The following ZNF804A variants were observed in gnomAD, a reference collection of about 807,000 sequenced individuals.
ZNF804A encodes the protein zinc finger protein 804A.
ZNF804A carries 2 observed loss-of-function variants against 16.5 expected under a neutral mutation model. The observed-to-expected ratio is 0.12, with a 90% CI of 0.05 to 0.38. The LOEUF (loss-of-function observed/expected upper bound fraction) is 0.38. ZNF804A is among the 10% of genes least tolerant of loss of function. The pLI is 0.99. For missense variants in ZNF804A, 1,473 were observed against 1,390.7 expected, an observed-to-expected ratio of 1.06 and a Z score of -0.94; for synonymous variants, 534 against 489.6, an observed-to-expected ratio of 1.09 and a Z score of -1.20.
chr2:184,751,075 G>A (rs760622624), intron 1 of ZNF804A, among the ~76,000 whole-genome samples: 3 of 151,440 alleles, frequency 2.0e-5, no homozygotes, highest in African/African-American at 7.3e-5. Flanking sequence ...CCATTCAGCC[G>A]TCAATGGACA....
chr2:184,769,029 T>C (rs533798207), intron 1 of ZNF804A, among the ~76,000 whole-genome samples: 48 of 152,250 alleles, frequency 3.2e-4, no homozygotes, highest in Admixed American at 5.9e-4. Flanking sequence ...ATTTCAGCTA[T>C]CTTATTCTGA....
At chr2:184,842,920 G>A (rs1023225433) in intron 1 of ZNF804A, among the ~76,000 whole-genome samples, 4 of 152,150 alleles carry the variant, frequency 2.6e-5, no homozygotes, top group Non-Finnish European at 4.4e-5. Context: ...GTAGAGGTGA[G>A]GTTGCTTTAT....
chr2:184,643,680 A>G (rs1311188247), intron 1 of ZNF804A, among the ~76,000 whole-genome samples: 4 of 151,752 alleles, frequency 2.6e-5, no homozygotes, highest in African/African-American at 9.7e-5. Context: ...TAGAAAGTAA[A>G]TGCTCTTGCA....
At chr2:184,680,145 G>C (rs1692512485) in intron 1 of ZNF804A, among the ~76,000 whole-genome samples, 1 of 152,206 alleles carries the variant, frequency 6.6e-6, no homozygotes, top group Admixed American at 6.5e-5. Flanking sequence ...GAGCTGAACA[G>C]ACATCAGGAG....
chr2:184,730,089 G>C (rs1349166657), intron 1 of ZNF804A, among the ~76,000 whole-genome samples: 2 of 151,666 alleles, frequency 1.3e-5, no homozygotes, highest in African/African-American at 2.4e-5. Context: ...AGATTATTTT[G>C]GTAAAATCAA....
At chr2:184,695,909 G>A (rs1350033063) in intron 1 of ZNF804A, among the ~76,000 whole-genome samples, 1 of 152,082 alleles carries the variant, frequency 6.6e-6, no homozygotes, top group Non-Finnish European at 1.5e-5. Context: ...ACCATTTGCT[G>A]AACAGAGATG....
chr2:184,633,200 C>A (rs1691641003), intron 1 of ZNF804A, among the ~76,000 whole-genome samples: 2 of 152,172 alleles, frequency 1.3e-5, no homozygotes, highest in Admixed American at 6.6e-5. Context: ...GCTATCAATT[C>A]TGTCCTCTCT....
At chr2:184,872,913 C>A (rs1394387613) in intron 2 of ZNF804A, among the ~76,000 whole-genome samples, 1 of 152,070 alleles carries the variant, frequency 6.6e-6, no homozygotes, top group African/African-American at 2.4e-5. Context: ...ATGAATGGAA[C>A]AGAATATAGA....
intron 2 of ZNF804A, among the ~76,000 whole-genome samples, chr2:184,877,507 A>C (rs1684727625): frequency 6.6e-6 from 1 of 152,054 alleles, no homozygotes; most frequent in African/African-American, 2.4e-5. Flanking sequence ...TGCTGAAAGG[A>C]TTATCTCATA....
intron 1 of ZNF804A, among the ~76,000 whole-genome samples, chr2:184,656,854 C>T (rs1302555720): frequency 7.2e-5 from 11 of 151,854 alleles, no homozygotes; most frequent in South Asian, 6.2e-4. Flanking sequence ...GGGAGCAGGG[C>T]CATTAAGTTT....
At chr2:184,738,754 G>A (rs1057165508) in intron 1 of ZNF804A, among the ~76,000 whole-genome samples, 7 of 152,168 alleles carry the variant, frequency 4.6e-5, no homozygotes, top group Admixed American at 2.6e-4. Flanking sequence ...TTATGCAAAA[G>A]TTGGTAAACA....
At chr2:184,660,575 C>T (rs1165986806) in intron 1 of ZNF804A, among the ~76,000 whole-genome samples, 1 of 152,190 alleles carries the variant, frequency 6.6e-6, no homozygotes, top group Non-Finnish European at 1.5e-5. Flanking sequence ...GAACACAATT[C>T]TTCAATTAAA....
intron 1 of ZNF804A, among the ~76,000 whole-genome samples, chr2:184,674,834 T>TA (rs897807744): frequency 8.6e-5 from 13 of 151,772 alleles, no homozygotes; most frequent in Non-Finnish European, 1.8e-4. Context: ...AACTCACTGT[T>TA]AAAAAAAGTA....
At position 184,938,997 on chromosome 2, in the gene ZNF804A, A is replaced by G. The variant is rs755066388; in HGVS notation, c.3601A>G (p.Thr1201Ala). ...LFPSLLSPHP[T>A]VIPLQPLF ...TCCTTCACTGCTTTCCCCACACCCT[A>G]CTGTCATCCCTTTGCAACCTCTCTT... Residue 1201 changes from threonine to alanine, a missense_variant, in exon 4 of 4, where the codon ACT (threonine) becomes GCT (alanine). Coordinates refer to ENST00000302277, the MANE Select transcript of ZNF804A (RefSeq NM_194250.2). 8 of 1,613,568 alleles carry G rather than the reference A, an allele frequency of 5.0e-6. No individual in the cohort carries two copies. The highest frequency in any genetic ancestry group is 1.7e-5 in the Admixed American group (1 of 59,980).
rs565944031 is a variant in ZNF804A, at chr2:184,926,284, A to T, written c.256-7319A>T. Among the ~76,000 whole-genome samples, 11 of 150,156 alleles carry T rather than the reference A, an allele frequency of 7.3e-5. No homozygotes were observed. The South Asian group carries it at 1.7e-3, about 23-fold the overall frequency. On this transcript the variant is annotated intron_variant, in intron 2 of 3. Coordinates refer to ENST00000302277, the MANE Select transcript of ZNF804A (RefSeq NM_194250.2). ...AAGCAGGTTTACTATTCTAGGGTAA[A>T]TTTTTTTTTTTTTCCTTAAGCACTT...
At chr2:184,702,540 A>G (rs1003095770) in intron 1 of ZNF804A, among the ~76,000 whole-genome samples, 1 of 152,008 alleles carries the variant, frequency 6.6e-6, no homozygotes, top group African/African-American at 2.4e-5. Context: ...CTTTACTTCT[A>G]TATTTATGAT....
chr2:184,799,951 T>G (rs188601328), intron 1 of ZNF804A, among the ~76,000 whole-genome samples: 2 of 152,282 alleles, frequency 1.3e-5, no homozygotes, highest in East Asian at 3.9e-4. Context: ...CCTGATGCTT[T>G]TTTTATGTGA....
chr2:184,606,361 A>G (rs1691145564), intron 1 of ZNF804A, among the ~76,000 whole-genome samples: 1 of 152,158 alleles, frequency 6.6e-6, no homozygotes, highest in Non-Finnish European at 1.5e-5. Flanking sequence ...GGGAAATGCC[A>G]GATGCGTATA....
intron 1 of ZNF804A, among the ~76,000 whole-genome samples, chr2:184,826,164 A>C (rs1695166222): frequency 6.6e-6 from 1 of 152,110 alleles, no homozygotes. Context: ...GATTACAAGC[A>C]TGAGCAACCG....
Sources: allele counts gnomAD v4.1 joint callset (sites outside exome capture counted in the v4.1 genomes callset), GRCh38; gene constraint gnomAD v4.1.1; transcripts MANE v1.5; gene names NCBI Gene and HGNC (gene_info 2026-07-23, HGNC 2026-07-21).